The following NFAM1 variants were observed in gnomAD, a reference collection of about 807,000 sequenced individuals.
The protein encoded by NFAM1 is NFAT activating protein with ITAM motif 1.
In NFAM1, 17 loss-of-function variants were observed where a neutral mutation model predicts 29.0. The observed-to-expected ratio is 0.59, with a 90% CI of 0.40 to 0.88. NFAM1 has a LOEUF of 0.88. Among genes scored for constraint, NFAM1 ranks in the 40% least tolerant of loss-of-function variants. NFAM1 has a pLI of 0.00. For missense variants in NFAM1, 324 were observed against 344.6 expected, an observed-to-expected ratio of 0.94 and a Z score of 0.47; for synonymous variants, 175 against 147.2, an observed-to-expected ratio of 1.19 and a Z score of -1.36.
In NFAM1 at chr22:42,397,892, C is replaced by T; in HGVS notation, c.629G>A (p.Ser210Asn). The change falls in exon 4 of 6, where the codon AGC becomes AAC. Residue 210 changes from serine to asparagine, a missense_variant. Coordinates refer to ENST00000329021, the MANE Select transcript of NFAM1 (RefSeq NM_145912.8). ...AGATTCTGAAGGATGCTGCTTGGGG[C>T]TGCTGGCAGATCTTGGATCTGGGCA... ...RKCPDPRSAS[S>N]PKQHPSESVY... 6.2e-7 allele frequency: 1 copy of T among 1,613,168 alleles called. No individual in the cohort carries two copies. Among genetic ancestry groups the T allele is most frequent in the South Asian group, 1.1e-5 (1 of 91,028 alleles).
chr22:42,397,056 C>T (rs1027496215), intron 4 of NFAM1, among the ~76,000 whole-genome samples: 2 of 152,244 alleles, frequency 1.3e-5, no homozygotes, highest in Admixed American at 6.5e-5. Context: ...GAGATGGGGA[C>T]CCCAGCTGGC....
chr22:42,387,861 C>T (rs1929204620), intron 4 of NFAM1, among the ~76,000 whole-genome samples: 3 of 152,192 alleles, frequency 2.0e-5, no homozygotes, highest in Non-Finnish European at 2.9e-5. Context: ...CCAGGAAGCC[C>T]GAGTCAGTAT....
rs1491236869 is a variant in NFAM1, at chr22:42,419,989, G to GTTTTTTTTTTTTTTTTTTTT, written c.122-8254_122-8253insAAAAAAAAAAAAAAAAAAAA. On this transcript the variant is annotated intron_variant, in intron 1 of 5. Transcript: ENST00000329021. The surrounding 1 kb of genome is among the most constrained non-coding windows in gnomAD (Gnocchi z 4.5). ...CCTTTGAGTCTGTAATCCCACTCTTGGTTTTTTTTTTTTTTTTTTTTTTTT... is the reference window on the plus strand; with the variant it reads ...CCTTTGAGTCTGTAATCCCACTCTTGTTTTTTTTTTTTTTTTTTTTGTTTTTTTTTTTTTTTTTTTTTTTT... 1.4e-4 allele frequency among the ~76,000 whole-genome samples: 8 copies of GTTTTTTTTTTTTTTTTTTTT among 56,528 alleles called. 4 individuals are homozygous for GTTTTTTTTTTTTTTTTTTTT. Among genetic ancestry groups the GTTTTTTTTTTTTTTTTTTTT allele is most frequent in the African/African-American group, 1.5e-4 (2 of 13,500 alleles). 37.1% of individuals were successfully genotyped at this position (56,528 alleles called of 152,430 possible).
At chr22:42,403,873 C>T (rs1929807542) in intron 3 of NFAM1, among the ~76,000 whole-genome samples, 1 of 152,166 alleles carries the variant, frequency 6.6e-6, no homozygotes, top group African/African-American at 2.4e-5. Flanking sequence ...CAGAGAGGGC[C>T]TCTCTGAGCT....
chr22:42,434,448 G>T (rs1930892692), upstream of NFAM1, among the ~76,000 whole-genome samples: 1 of 152,148 alleles, frequency 6.6e-6, no homozygotes, highest in African/African-American at 2.4e-5. Context: ...ACAAGAAGCA[G>T]CTGAGGGTCC....
upstream of NFAM1, among the ~76,000 whole-genome samples, chr22:42,434,620 G>A (rs933761099): frequency 2.6e-5 from 4 of 152,332 alleles, no homozygotes; most frequent in South Asian, 4.1e-4. Context: ...AAATAAAACC[G>A]CAGCGCATCC....
In NFAM1 at chr22:42,413,990, G is replaced by A. The variant is rs372848242; in HGVS notation, c.122-2254C>T. Among the ~76,000 whole-genome samples the A allele has an allele frequency of 8.5e-5, 13 of 152,216 alleles. No homozygotes were observed. In the South Asian group the frequency reaches 1.5e-3, roughly 17 times the overall value. ...AATCGCTTGAATCTGGGAGGTGGAG[G>A]TTGCAGTGAGCCAAGATCGCGCCAC... On this transcript the variant is annotated intron_variant, in intron 1 of 5. Coordinates refer to ENST00000329021, the MANE Select transcript of NFAM1 (RefSeq NM_145912.8).
chr22:42,436,184 C>T (rs1158859228), upstream of NFAM1, among the ~76,000 whole-genome samples: 1 of 152,188 alleles, frequency 6.6e-6, no homozygotes, highest in Non-Finnish European at 1.5e-5. Flanking sequence ...AGCCGGGACA[C>T]AGTGAGGTCC....
chr22:42,427,806 G>A (rs531902355), intron 1 of NFAM1, among the ~76,000 whole-genome samples: 3 of 152,146 alleles, frequency 2.0e-5, no homozygotes, highest in African/African-American at 7.2e-5. Flanking sequence ...ATATGGTTTC[G>A]GGATGTGTAC....
Position 42,409,582 on chromosome 22 carries a change from G to A in NFAM1, c.452-35C>T. ...AGCGCAGGGGAGCAGAGGGGTCAGTGACCCAGGAGAAAGCGGGGCACACAC... is the reference window on the plus strand; with the variant it reads ...AGCGCAGGGGAGCAGAGGGGTCAGTAACCCAGGAGAAAGCGGGGCACACAC... On this transcript the variant is annotated intron_variant, in intron 2 of 5. Coordinates refer to ENST00000329021, the MANE Select transcript of NFAM1 (RefSeq NM_145912.8). The surrounding 1 kb of genome is among the most constrained non-coding windows in gnomAD (Gnocchi z 4.9). The A allele has an allele frequency of 9.0e-7, 1 of 1,115,108 alleles. No homozygotes were observed. The highest frequency in any genetic ancestry group is 1.3e-6 in the Non-Finnish European group (1 of 795,002). The allele number at this position is 1,115,108 out of a possible 1,614,324, so 69.1% of individuals were successfully genotyped here. A position where few individuals can be genotyped will look rare whatever the true frequency, so the allele number is the denominator to read the frequency against.
At chr22:42,435,994 A>C (rs1930931322), upstream of NFAM1, among the ~76,000 whole-genome samples, 1 of 151,298 alleles carries the variant, frequency 6.6e-6, no homozygotes, top group South Asian at 2.1e-4. Flanking sequence ...TAATTTTTGT[A>C]TTTTTAGTAG....
chr22:42,409,948 C>T lies in NFAM1; in HGVS notation c.452-401G>A, dbSNP rs1044318709. ...TTATCCTGGGACTGACAGGGGGCTG[C>T]ACCCAGGCTAGGTGAGGCCCAGCCC... On this transcript the variant is annotated intron_variant, in intron 2 of 5. Transcript: ENST00000329021. The surrounding 1 kb of genome is among the most constrained non-coding windows in gnomAD (Gnocchi z 4.9). Among the ~76,000 whole-genome samples, 1 of 152,172 alleles carries T rather than the reference C, an allele frequency of 6.6e-6. No individual in the cohort carries two copies.
chr22:42,410,797 C>T (rs1452501656), intron 2 of NFAM1, among the ~76,000 whole-genome samples: 2 of 152,092 alleles, frequency 1.3e-5, no homozygotes, highest in African/African-American at 4.8e-5. Flanking sequence ...GCAGAAGTTC[C>T]CCCACCATGA....
At chr22:42,402,686 G>A (rs551251907) in intron 3 of NFAM1, among the ~76,000 whole-genome samples, 132 of 152,162 alleles carry the variant, frequency 8.7e-4, no homozygotes, top group Non-Finnish European at 1.6e-3. Context: ...CCTGCTCTGG[G>A]AACACCACTT....
chr22:42,405,701 C>T (rs1160835527), intron 3 of NFAM1, among the ~76,000 whole-genome samples: 1 of 152,186 alleles, frequency 6.6e-6, no homozygotes, highest in Non-Finnish European at 1.5e-5. Flanking sequence ...CTTCTTGGCT[C>T]AGCTCATCCC....
chr22:42,410,525 G>T, intron 2 of NFAM1: 1 of 336,258 alleles, frequency 3.0e-6, no homozygotes, highest in Admixed American at 3.4e-5. Flanking sequence ...CAGGTGTGGT[G>T]GTGGACATCT....
intron 1 of NFAM1, among the ~76,000 whole-genome samples, chr22:42,426,814 C>T (rs1484386691): frequency 2.6e-5 from 4 of 152,246 alleles, no homozygotes; most frequent in South Asian, 4.1e-4. Flanking sequence ...GACTCACGAC[C>T]GAAGATGAGC....
chr22:42,432,424 C>T, upstream of NFAM1: 1 of 1,467,712 alleles, frequency 6.8e-7, no homozygotes, highest in Non-Finnish European at 9.0e-7. Context: ...CTGACAGCTT[C>T]CCCTTTGCTT....
chr22:42,411,006 T>C (rs1023660937), intron 2 of NFAM1, among the ~76,000 whole-genome samples: 7 of 132,336 alleles, frequency 5.3e-5, no homozygotes, highest in African/African-American at 2.4e-4. Context: ...CCATTCTCTA[T>C]TTCTTTTCTT....
Sources: allele counts gnomAD v4.1 joint callset (sites outside exome capture counted in the v4.1 genomes callset), GRCh38; gene constraint gnomAD v4.1.1; non-coding constraint Gnocchi (gnomAD v3.1); transcripts MANE v1.5; gene names NCBI Gene and HGNC (gene_info 2026-07-23, HGNC 2026-07-21).